The following ADGRB3 variants were observed in gnomAD, a reference collection of about 807,000 sequenced individuals.
ADGRB3 encodes adhesion G protein-coupled receptor B3, also known as brain-specific angiogenesis inhibitor 3.
A neutral mutation model predicts 193.4 loss-of-function variants in ADGRB3; 37 were observed. That is an observed-to-expected ratio of 0.19 (90% confidence interval 0.15 to 0.25). ADGRB3 has a LOEUF of 0.25. Ranked by LOEUF, ADGRB3 falls within the 10% of genes least tolerant of loss-of-function variation. The pLI, the probability that ADGRB3 is intolerant of heterozygous loss-of-function variation, is 1.00. For synonymous variants in ADGRB3, 690 were observed against 644.2 expected (o/e 1.07, Z -1.08); for missense variants, 1,637 against 1,852.9 (o/e 0.88, Z 2.14).
intron 5 of ADGRB3, among the ~76,000 whole-genome samples, chr6:68,939,771 T>C (rs1767585763): frequency 6.6e-6 from 1 of 152,120 alleles, no homozygotes; most frequent in African/African-American, 2.4e-5. Flanking sequence ...AAATGTAATG[T>C]TTTAAACAAT....
At chr6:69,223,021 G>A (rs576679296) in intron 17 of ADGRB3, among the ~76,000 whole-genome samples, 5 of 151,608 alleles carry the variant, frequency 3.3e-5, no homozygotes, top group Admixed American at 2.0e-4. Context: ...GTAATATTTC[G>A]TGCAGCCACT....
At chr6:68,983,133 A>G (rs1768973785) in intron 10 of ADGRB3, among the ~76,000 whole-genome samples, 1 of 152,154 alleles carries the variant, frequency 6.6e-6, no homozygotes, top group South Asian at 2.1e-4. Context: ...AAAGAAAAAT[A>G]ATCTTTAGTC....
intron 3 of ADGRB3, among the ~76,000 whole-genome samples, chr6:68,718,285 T>G (rs1016875457): frequency 2.0e-5 from 3 of 151,732 alleles, no homozygotes; most frequent in Non-Finnish European, 2.9e-5. Context: ...ACAGATCTAC[T>G]GAATTAGAAT....
intron 20 of ADGRB3, among the ~76,000 whole-genome samples, chr6:69,308,916 T>A (rs1768121075): frequency 6.6e-6 from 1 of 151,670 alleles, no homozygotes; most frequent in South Asian, 2.1e-4. Context: ...AGGAACTTAA[T>A]CATATGACCT....
At chr6:68,987,328 A>G (rs1769108743) in intron 10 of ADGRB3, among the ~76,000 whole-genome samples, 1 of 152,134 alleles carries the variant, frequency 6.6e-6, no homozygotes, top group Non-Finnish European at 1.5e-5. Context: ...AAAATCTTCT[A>G]TAGGTATTGG....
chr6:68,879,689 C>A (rs1765685003), intron 3 of ADGRB3, among the ~76,000 whole-genome samples: 1 of 152,074 alleles, frequency 6.6e-6, no homozygotes, highest in Admixed American at 6.5e-5. Context: ...TTCTTTGTTG[C>A]AACATGAGTC....
intron 3 of ADGRB3, among the ~76,000 whole-genome samples, chr6:68,796,915 G>A (rs928297818): frequency 6.6e-6 from 1 of 152,128 alleles, no homozygotes; most frequent in African/African-American, 2.4e-5. Flanking sequence ...ATGAAAGGAA[G>A]AGAATCTCAG....
chr6:69,125,691 A>G (rs554726542), intron 17 of ADGRB3, among the ~76,000 whole-genome samples: 8 of 152,364 alleles, frequency 5.3e-5, no homozygotes, highest in African/African-American at 1.9e-4. Flanking sequence ...TGGCCCAAAC[A>G]GGCAAAGCCA....
intron 3 of ADGRB3, among the ~76,000 whole-genome samples, chr6:68,766,297 A>G (rs1360845661): frequency 6.6e-6 from 1 of 151,662 alleles, no homozygotes; most frequent in Non-Finnish European, 1.5e-5. Context: ...CTACTAAATG[A>G]TTTTTATTTT....
intron 20 of ADGRB3, among the ~76,000 whole-genome samples, chr6:69,321,769 TA>T (rs927549902): frequency 5.3e-5 from 8 of 151,860 alleles, no homozygotes; most frequent in Non-Finnish European, 8.8e-5. Context: ...TTGCTATTCA[TA>T]AAAGTTATAT....
At chr6:69,304,449 T>C (rs1006601997) in intron 20 of ADGRB3, among the ~76,000 whole-genome samples, 4 of 151,634 alleles carry the variant, frequency 2.6e-5, no homozygotes, top group Admixed American at 2.6e-4. Flanking sequence ...CTACTAGTAG[T>C]AAGAATATAG....
rs1767483268 is a variant in ADGRB3, at chr6:69,283,550, T to G, written c.2815-41322T>G. ...CTTGTGCTGGGATCTGTATTCAAAT[T>G]GTGACAGCGTGAACTTTGGCAAGTT... On this transcript the variant is annotated intron_variant, in intron 20 of 31. Coordinates refer to ENST00000370598, the MANE Select transcript of ADGRB3 (RefSeq NM_001704.3). Among the ~76,000 whole-genome samples the G allele has an allele frequency of 2.0e-5, 3 of 152,082 alleles. No homozygotes were observed. The South Asian group carries it at 6.2e-4, about 32-fold the overall frequency.
chr6:69,013,913 T>C, intron 11 of ADGRB3, 125 bp from the exon 12 acceptor site: 1 of 530,558 alleles, frequency 1.9e-6, no homozygotes, highest in South Asian at 3.4e-5. Context: ...GAATACTATG[T>C]TAGGGTCATA....
At chr6:68,775,200 A>G (rs1272811049) in intron 3 of ADGRB3, among the ~76,000 whole-genome samples, 1 of 149,174 alleles carries the variant, frequency 6.7e-6, no homozygotes, top group East Asian at 2.0e-4. Flanking sequence ...ACCCACTTCA[A>G]CTCCAGTCTG....
At chr6:69,377,763 G>A (rs538264699) in intron 30 of ADGRB3, among the ~76,000 whole-genome samples, 27 of 152,164 alleles carry the variant, frequency 1.8e-4, no homozygotes, top group African/African-American at 5.8e-4. Context: ...TCAGACTTAA[G>A]CATCAACTCT....
At chr6:68,664,156 TA>T (rs2127290484) in intron 3 of ADGRB3, among the ~76,000 whole-genome samples, 1 of 151,936 alleles carries the variant, frequency 6.6e-6, no homozygotes, top group Non-Finnish European at 1.5e-5. Context: ...TAGAACGTAA[TA>T]AATAATTTTA....
intron 6 of ADGRB3, among the ~76,000 whole-genome samples, chr6:68,955,085 T>A (rs1464073087): frequency 6.6e-6 from 1 of 152,178 alleles, no homozygotes; most frequent in Admixed American, 6.5e-5. Context: ...CACTCAGCAC[T>A]CTAGATGCCT....
At chr6:69,133,136 A>G (rs780793643) in intron 17 of ADGRB3, among the ~76,000 whole-genome samples, 1 of 152,098 alleles carries the variant, frequency 6.6e-6, no homozygotes, top group Non-Finnish European at 1.5e-5. Context: ...TATGAAATTT[A>G]AAGTAGTTTT....
chr6:69,311,763 A>C (rs563687068), intron 20 of ADGRB3, among the ~76,000 whole-genome samples: 7 of 151,832 alleles, frequency 4.6e-5, no homozygotes, highest in African/African-American at 1.7e-4. Flanking sequence ...CATGTGCTTT[A>C]GATTTCATTT....
Sources: allele counts gnomAD v4.1 joint callset (sites outside exome capture counted in the v4.1 genomes callset), GRCh38; gene constraint gnomAD v4.1.1; transcripts MANE v1.5; gene names NCBI Gene and HGNC (gene_info 2026-07-23, HGNC 2026-07-21).